USP3: variants seen among roughly 807,000 people sequenced by gnomAD.
The protein encoded by USP3 is ubiquitin specific peptidase 3, also known as ubiquitin carboxyl-terminal hydrolase 3.
Under a neutral mutation model 72.3 loss-of-function variants are expected in USP3, and 20 were observed. That is an observed-to-expected ratio of 0.28 (90% CI 0.19 to 0.40). The LOEUF (loss-of-function observed/expected upper bound fraction) is 0.40. Among genes scored for constraint, USP3 ranks in the 10% least tolerant of loss-of-function variants. The pLI, the probability that USP3 is intolerant of heterozygous loss-of-function variation, is 1.00. For missense variants in USP3, 479 were observed against 633.9 expected, an observed-to-expected ratio of 0.76 and a Z score of 2.62; for synonymous variants, 222 against 225.3, an observed-to-expected ratio of 0.99 and a Z score of 0.13.
At chr15:63,541,972 T>C in intron 3 of USP3, 1 of 802,426 alleles carries the variant, frequency 1.2e-6, no homozygotes. Flanking sequence ...AAGATAGCTT[T>C]GTTGCCAGTA....
At chr15:63,521,168 A>G (rs1299798935) in intron 1 of USP3, among the ~76,000 whole-genome samples, 1 of 129,548 alleles carries the variant, frequency 7.7e-6, no homozygotes, top group Non-Finnish European at 1.6e-5. Context: ...ATTTAGCTGT[A>G]TATCCTGGAT....
intron 6 of USP3, among the ~76,000 whole-genome samples, chr15:63,558,550 A>G (rs2066549929): frequency 6.6e-6 from 1 of 151,458 alleles, no homozygotes; most frequent in Non-Finnish European, 1.5e-5. Context: ...TCTCTCAGAT[A>G]TCCCCCACCC....
intron 11 of USP3, among the ~76,000 whole-genome samples, chr15:63,575,400 C>T (rs905072073): frequency 2.0e-5 from 3 of 152,090 alleles, no homozygotes; most frequent in African/African-American, 7.2e-5. Context: ...CTAGGCTTCT[C>T]TGTGCTACTG....
Position 63,588,466 on chromosome 15 carries a change from A to G in USP3, c.1215+43A>G. ...AGTTATGAAGCAATTTCAATGGGAA[A>G]GTGCTTGACTGCTAAGACCATGTCT... On this transcript the variant is annotated intron_variant, in intron 12 of 14. Coordinates refer to ENST00000380324, the MANE Select transcript of USP3 (RefSeq NM_006537.4). The surrounding 1 kb of genome is among the most constrained non-coding windows in gnomAD (Gnocchi z 4.6). 1 of 1,364,902 alleles carries G rather than the reference A, an allele frequency of 7.3e-7. No homozygotes were observed. The highest frequency in any genetic ancestry group is 1.0e-6 in the Non-Finnish European group (1 of 971,118). 84.5% of individuals were successfully genotyped at this position (1,364,902 alleles called of 1,614,324 possible).
chr15:63,590,856 A>G lies in USP3; in HGVS notation c.*30A>G, dbSNP rs2067185350. ...TCCTCCAAATCATCATTCACCAACC[A>G]TACCAGAGAAACATTTCCAGTTTTC... On this transcript the variant is annotated 3_prime_UTR_variant, in exon 15 of 15. Transcript: ENST00000380324. 6 of 1,572,790 alleles carry G rather than the reference A, an allele frequency of 3.8e-6. No individual in the cohort carries two copies. The African/African-American group carries it at 5.5e-5, about 14-fold the overall frequency.
chr15:63,512,353 CTCTTCTTCTTCTTTCT>C (rs1356017204), intron 1 of USP3, among the ~76,000 whole-genome samples: 1 of 44,988 alleles, frequency 2.2e-5, no homozygotes, highest in African/African-American at 6.4e-5. Flanking sequence ...CCTCCTCTTC[CTCTTCTTCTTCTTTCT>C]TCTTTCTTCT....
intron 4 of USP3, among the ~76,000 whole-genome samples, chr15:63,554,126 C>A (rs563350245): frequency 6.6e-6 from 1 of 152,238 alleles, no homozygotes; most frequent in African/African-American, 2.4e-5. Context: ...GTGAAATCAT[C>A]ATAGAGTTAC....
intron 1 of USP3, among the ~76,000 whole-genome samples, chr15:63,526,874 CTT>C (rs922343185): frequency 1.4e-4 from 21 of 152,072 alleles, no homozygotes; most frequent in African/African-American, 4.6e-4. Context: ...TTTCATCTAA[CTT>C]TTGCCAGTCC....
At chr15:63,535,662 A>T (rs2066144516) in intron 2 of USP3, among the ~76,000 whole-genome samples, 1 of 152,148 alleles carries the variant, frequency 6.6e-6, no homozygotes. Flanking sequence ...AAGTACAGGG[A>T]AAAAATGGAG....
At position 63,540,242 on chromosome 15, in the gene USP3, A is replaced by C. The variant is rs370508184; in HGVS notation, c.284+3086A>C. Among the ~76,000 whole-genome samples the C allele has an allele frequency of 5.3e-5, 8 of 152,240 alleles. No homozygotes were observed. In the South Asian group the frequency reaches 8.3e-4, roughly 16 times the overall value. ...AGTCCCTGCCCTGTCCTATGTTTGC[A>C]ATCCTTTATGAAGTTATCACTGAAC... On this transcript the variant is annotated intron_variant, in intron 3 of 14. Transcript: ENST00000380324.
intron 1 of USP3, among the ~76,000 whole-genome samples, chr15:63,517,810 T>C (rs1320391835): frequency 6.6e-6 from 1 of 152,204 alleles, no homozygotes; most frequent in African/African-American, 2.4e-5. Context: ...GCTCCTCCCA[T>C]CTGCATTCTT....
At position 63,591,156 on chromosome 15, in the gene USP3, T is replaced by C. The variant is rs2067192079; in HGVS notation, c.*330T>C. 4.6e-6 allele frequency: 1 copy of C among 218,324 alleles called. No individual in the cohort carries two copies. Among genetic ancestry groups the C allele is most frequent in the Admixed American group, 5.7e-5 (1 of 17,640 alleles). 13.5% of individuals were successfully genotyped at this position (218,324 alleles called of 1,614,324 possible). On this transcript the variant is annotated 3_prime_UTR_variant, in exon 15 of 15. Coordinates refer to ENST00000380324, the MANE Select transcript of USP3 (RefSeq NM_006537.4). ...TTGAGGCACATTTACATCAATGCTT[T>C]TGTTCCTCTCACATGCTGAAAGCAA...
intron 6 of USP3, among the ~76,000 whole-genome samples, chr15:63,558,978 TAC>T (rs2066559248): frequency 6.6e-6 from 1 of 152,254 alleles, no homozygotes; most frequent in Non-Finnish European, 1.5e-5. Flanking sequence ...GCCTGTGGGC[TAC>T]AGTTTGCAGA....
chr15:63,588,457 C>A lies in USP3; in HGVS notation c.1215+34C>A. On this transcript the variant is annotated intron_variant, in intron 12 of 14. Coordinates refer to ENST00000380324, the MANE Select transcript of USP3 (RefSeq NM_006537.4). This position sits in a 1 kb window ranked among gnomAD's most constrained non-coding sequence, Gnocchi z 4.6. Reference sequence around the variant, plus strand: ...TGAATTTTGAGTTATGAAGCAATTTCAATGGGAAAGTGCTTGACTGCTAAG... The same window carrying A: ...TGAATTTTGAGTTATGAAGCAATTTAAATGGGAAAGTGCTTGACTGCTAAG... The A allele has an allele frequency of 6.8e-7, 1 of 1,468,102 alleles. No homozygotes were observed. The highest frequency in any genetic ancestry group is 1.2e-5 in the South Asian group (1 of 82,946). The allele number at this position is 1,468,102 out of a possible 1,614,324, so 90.9% of individuals were successfully genotyped here. A position where few individuals can be genotyped will look rare whatever the true frequency, so the allele number is the denominator to read the frequency against.
chr15:63,590,391 A>G (rs1407573981), intron 14 of USP3, among the ~76,000 whole-genome samples: 1 of 152,058 alleles, frequency 6.6e-6, no homozygotes, highest in Non-Finnish European at 1.5e-5. Flanking sequence ...CTAGTTTTCC[A>G]TGTTTCCGTA....
chr15:63,556,509 G>T (rs759158745), intron 4 of USP3, 158 bp from the exon 5 acceptor site: 6 of 502,188 alleles, frequency 1.2e-5, no homozygotes, highest in African/African-American at 2.0e-5. Flanking sequence ...GAGCTCCTCG[G>T]TTAACTTCAA....
intron 11 of USP3, among the ~76,000 whole-genome samples, chr15:63,577,088 C>T (rs2066876588): frequency 6.6e-6 from 1 of 152,160 alleles, no homozygotes; most frequent in South Asian, 2.1e-4. Flanking sequence ...ACTTAAGTAA[C>T]TTTTGAAATT....
rs1481200774 is a variant in USP3 at position 63,553,027 on chromosome 15, A to C, written c.285-688A>C. Among the ~76,000 whole-genome samples, 18 of 152,218 alleles carry C rather than the reference A, an allele frequency of 1.2e-4. No individual in the cohort carries two copies. Among genetic ancestry groups the C allele is most frequent in the Admixed American group, 1.2e-3 (18 of 15,274 alleles). ...GTTTATATTATGTGTGATTTCTTAC[A>C]TTATTTGCTTTTTGACTTATAAAAC... is the stretch of plus-strand genomic sequence containing the variant. On this transcript the variant is annotated intron_variant, in intron 3 of 14. Transcript: ENST00000380324. This position sits in a 1 kb window ranked among gnomAD's most constrained non-coding sequence, Gnocchi z 4.2.
intron 1 of USP3, among the ~76,000 whole-genome samples, chr15:63,520,167 G>T (rs988005082): frequency 1.3e-5 from 2 of 152,130 alleles, no homozygotes; most frequent in Non-Finnish European, 2.9e-5. Context: ...ATCTGTTTAT[G>T]TCTGTGTGTA....
Sources: allele counts gnomAD v4.1 joint callset (sites outside exome capture counted in the v4.1 genomes callset), GRCh38; gene constraint gnomAD v4.1.1; non-coding constraint Gnocchi (gnomAD v3.1); transcripts MANE v1.5; gene names NCBI Gene and HGNC (gene_info 2026-07-23, HGNC 2026-07-21).